The following CSMD1 variants were observed in gnomAD, a reference collection of about 807,000 sequenced individuals.
CSMD1 encodes the protein CUB and sushi domain-containing protein 1.
In CSMD1, 213 loss-of-function variants were observed where a neutral mutation model predicts 417.5. The ratio of observed to expected loss-of-function variants is 0.51; its 90% CI spans 0.46 to 0.57. The LOEUF (loss-of-function observed/expected upper bound fraction) is 0.57. CSMD1 is among the 20% of genes least tolerant of loss of function. The pLI is 0.00. For synonymous variants in CSMD1, 2,862 were observed against 1,736.8 expected (o/e 1.65, Z -16.11); for missense variants, 6,923 against 4,529.7 (o/e 1.53, Z -15.17).
chr8:4,489,998 T>C (rs1801619194), intron 2 of CSMD1, among the ~76,000 whole-genome samples: 1 of 152,052 alleles, frequency 6.6e-6, no homozygotes, highest in African/African-American at 2.4e-5. Flanking sequence ...CACAAAATTG[T>C]TGTCTGTCTT....
intron 4 of CSMD1, among the ~76,000 whole-genome samples, chr8:4,020,362 A>G (rs918584772): frequency 2.6e-5 from 4 of 152,198 alleles, no homozygotes; most frequent in Admixed American, 6.5e-5. Flanking sequence ...AGACTGCAAG[A>G]TGTTGTATTT....
intron 3 of CSMD1, among the ~76,000 whole-genome samples, chr8:4,410,110 G>A (rs970021890): frequency 3.3e-5 from 5 of 152,194 alleles, no homozygotes; most frequent in South Asian, 4.1e-4. Flanking sequence ...CACCGTACCC[G>A]GTCCCATACT....
intron 3 of CSMD1, among the ~76,000 whole-genome samples, chr8:4,294,038 T>C (rs1585175012): frequency 1.3e-5 from 2 of 152,212 alleles, no homozygotes. Context: ...CTGTTCTTTA[T>C]TGCGTGGTTC....
At chr8:3,871,098 A>G (rs1402512939) in intron 5 of CSMD1, among the ~76,000 whole-genome samples, 1 of 152,068 alleles carries the variant, frequency 6.6e-6, no homozygotes, top group Admixed American at 6.5e-5. Flanking sequence ...CAATTGTCCT[A>G]TTAATAGACA....
At chr8:4,678,051 A>G (rs1476195194) in intron 1 of CSMD1, among the ~76,000 whole-genome samples, 1 of 152,230 alleles carries the variant, frequency 6.6e-6, no homozygotes, top group Non-Finnish European at 1.5e-5. Flanking sequence ...GTAACAGCAC[A>G]CATGGACACA....
In CSMD1 at chr8:3,151,401, G is replaced by A; in HGVS notation, c.6027C>T (p.Gly2009=). The change falls in exon 40 of 70, where the codon GGC becomes GGT. Residue 2009 remains glycine, a synonymous_variant. Transcript: ENST00000635120. ...ATTGGTAACATTTTCACTTACCATAGCCGATGGGTAATGAGATCCTCCAGG... is the reference window on the plus strand; with the variant it reads ...ATTGGTAACATTTTCACTTACCATAACCGATGGGTAATGAGATCCTCCAGG... ...DCTWRISLPI[G]YGAHIQFLNF... is the part of the protein sequence containing the mutation. The A allele has an allele frequency of 6.2e-7, 1 of 1,602,112 alleles. No individual in the cohort carries two copies. Among genetic ancestry groups the A allele is most frequent in the Non-Finnish European group, 8.5e-7 (1 of 1,169,678 alleles).
intron 3 of CSMD1, among the ~76,000 whole-genome samples, chr8:4,283,706 C>A (rs1043360676): frequency 6.6e-6 from 1 of 152,110 alleles, no homozygotes. Flanking sequence ...GAAGCACACA[C>A]TTTTTATTCT....
At chr8:3,992,593 G>A (rs1371364935) in intron 5 of CSMD1, among the ~76,000 whole-genome samples, 1 of 152,134 alleles carries the variant, frequency 6.6e-6, no homozygotes, top group Non-Finnish European at 1.5e-5. Context: ...AGACCAGCTT[G>A]GGCAACACAG....
intron 1 of CSMD1, among the ~76,000 whole-genome samples, chr8:4,718,548 G>A (rs1285983151): frequency 1.3e-5 from 2 of 151,578 alleles, no homozygotes; most frequent in African/African-American, 4.8e-5. Context: ...AAGGGAATTT[G>A]AAAAAAGAAA....
At chr8:3,965,671 G>A (rs887356037) in intron 5 of CSMD1, among the ~76,000 whole-genome samples, 2 of 152,062 alleles carry the variant, frequency 1.3e-5, no homozygotes, top group Non-Finnish European at 2.9e-5. Context: ...AGGCTGGAGT[G>A]CAATGGTGCC....
intron 1 of CSMD1, among the ~76,000 whole-genome samples, chr8:4,916,655 A>C (rs893385930): frequency 6.6e-6 from 1 of 152,246 alleles, no homozygotes; most frequent in Non-Finnish European, 1.5e-5. Context: ...AATACTTTAC[A>C]CAAAGAGTCT....
At chr8:4,085,434 G>T (rs900959786) in intron 3 of CSMD1, among the ~76,000 whole-genome samples, 1 of 152,174 alleles carries the variant, frequency 6.6e-6, no homozygotes, top group African/African-American at 2.4e-5. Context: ...TGATTATTTA[G>T]AAAATGAGTT....
chr8:4,831,783 G>A lies in CSMD1; in HGVS notation c.85+162549C>T, dbSNP rs1033029393. Among the ~76,000 whole-genome samples, 16 of 152,162 alleles carry A rather than the reference G, an allele frequency of 1.1e-4. No homozygotes were observed. In the South Asian group the frequency reaches 1.7e-3, roughly 16 times the overall value. On this transcript the variant is annotated intron_variant, in intron 1 of 69. Coordinates refer to ENST00000635120, the MANE Select transcript of CSMD1 (RefSeq NM_033225.6). ...CTACAACTTTAGGGAGATGACTGCAGCAGGTCCCCTTCAGGGACCAGCATC... is the reference window on the plus strand; with the variant it reads ...CTACAACTTTAGGGAGATGACTGCAACAGGTCCCCTTCAGGGACCAGCATC...
At chr8:3,622,148 CT>C (rs1563207100) in intron 7 of CSMD1, among the ~76,000 whole-genome samples, 1 of 152,142 alleles carries the variant, frequency 6.6e-6, no homozygotes, top group Non-Finnish European at 1.5e-5. Context: ...TACTAGCTCT[CT>C]GAAATTTATC....
intron 2 of CSMD1, among the ~76,000 whole-genome samples, chr8:4,536,975 C>T (rs1328005907): frequency 6.6e-6 from 1 of 152,142 alleles, no homozygotes; most frequent in Non-Finnish European, 1.5e-5. Flanking sequence ...TCATGATTAT[C>T]ATTTTCATTT....
intron 5 of CSMD1, among the ~76,000 whole-genome samples, chr8:3,809,109 C>T (rs952740412): frequency 2.0e-5 from 3 of 152,182 alleles, no homozygotes; most frequent in Non-Finnish European, 4.4e-5. Context: ...CCACCGGGCA[C>T]ATGCTCTGCC....
At chr8:4,826,980 C>T (rs569494152) in intron 1 of CSMD1, among the ~76,000 whole-genome samples, 33 of 152,072 alleles carry the variant, frequency 2.2e-4, no homozygotes, top group Non-Finnish European at 2.2e-4. Flanking sequence ...TTGAATACGA[C>T]GGTAAGAAAT....
intron 10 of CSMD1, among the ~76,000 whole-genome samples, chr8:3,572,575 C>T (rs1236337854): frequency 6.6e-6 from 1 of 152,122 alleles, no homozygotes; most frequent in Non-Finnish European, 1.5e-5. Context: ...TAAACCATTC[C>T]CTTGATTTGA....
intron 1 of CSMD1, among the ~76,000 whole-genome samples, chr8:4,754,897 G>A (rs184959737): frequency 1.3e-5 from 2 of 151,938 alleles, no homozygotes; most frequent in East Asian, 2.0e-4. Context: ...CAAGCACTTT[G>A]TGAATCCAAG....
Sources: allele counts gnomAD v4.1 joint callset (sites outside exome capture counted in the v4.1 genomes callset), GRCh38; gene constraint gnomAD v4.1.1; transcripts MANE v1.5; gene names NCBI Gene and HGNC (gene_info 2026-07-23, HGNC 2026-07-21).